NMI: variants seen among roughly 807,000 people sequenced by gnomAD.
NMI encodes the protein N-myc-interactor.
A neutral mutation model predicts 34.3 loss-of-function variants in NMI; 39 were observed. The ratio of observed to expected loss-of-function variants is 1.14; its 90% CI spans 0.88 to 1.49. The LOEUF (loss-of-function observed/expected upper bound fraction) is 1.49, where lower values mean the gene tolerates loss of function less well. NMI is among the 40% of genes most tolerant of loss of function. NMI has a pLI of 0.00. For missense variants in NMI, 339 were observed against 358.1 expected (o/e 0.95, Z 0.43); for synonymous variants, 113 against 120.3 (o/e 0.94, Z 0.40).
At chr2:151,286,132 C>G (rs1162674236) in intron 1 of NMI, among the ~76,000 whole-genome samples, 1 of 151,906 alleles carries the variant, frequency 6.6e-6, no homozygotes, top group Non-Finnish European at 1.5e-5. Flanking sequence ...TGGCAGACAT[C>G]AACATAATGA....
In NMI at chr2:151,275,567, G is replaced by T. The variant is rs1038133491; in HGVS notation, c.551C>A (p.Ser184Tyr). The change falls in exon 6 of 8, where the codon TCC becomes TAC. Residue 184 changes from serine (S) to tyrosine (Y), a missense_variant. Coordinates refer to ENST00000243346, the MANE Select transcript of NMI (RefSeq NM_004688.3). ...GTCCACCTCTCCGCCTCCATTTCGG[G>T]ACTTTGAAAAGCTCAGCTCTAGTTT... The part of the protein sequence containing the change: ...RDKLELSFSK[S>Y]RNGGGEVDRV... 8 of 1,614,034 alleles carry T rather than the reference G, an allele frequency of 5.0e-6. No individual in the cohort carries two copies. In the African/African-American group the frequency reaches 1.1e-4, roughly 22 times the overall value.
At chr2:151,284,660 C>T (rs1219129207) in intron 1 of NMI, among the ~76,000 whole-genome samples, 1 of 152,000 alleles carries the variant, frequency 6.6e-6, no homozygotes, top group Non-Finnish European at 1.5e-5. Flanking sequence ...CAAAGGAATC[C>T]ATGGTACACA....
intron 1 of NMI, among the ~76,000 whole-genome samples, chr2:151,287,111 C>T (rs563150344): frequency 2.0e-4 from 31 of 151,938 alleles, no homozygotes; most frequent in Non-Finnish European, 3.8e-4. Context: ...GTGGTTATGT[C>T]GGAGCACATC....
Position 151,275,339 on chromosome 2 carries a change from C to G in NMI, c.634+145G>C, listed in dbSNP as rs902970878. The G allele has an allele frequency of 1.6e-4, 115 of 723,950 alleles. 4 individuals carry two copies. The highest frequency in any genetic ancestry group is 1.1e-4 in the Non-Finnish European group (47 of 445,956). 44.8% of individuals were successfully genotyped at this position (723,950 alleles called of 1,614,324 possible). On this transcript the variant is annotated intron_variant, in intron 6 of 7. Coordinates refer to ENST00000243346, the MANE Select transcript of NMI (RefSeq NM_004688.3). ...GTCCCTGGAAATAATTTCCTACACT[C>G]TACTATTTTATAAGGTTTTTTAAAA...
At chr2:151,275,309 G>A (rs764217813) in intron 6 of NMI, among the ~76,000 whole-genome samples, 175 bp downstream of exon 6, 3 of 152,004 alleles carry the variant, frequency 2.0e-5, no homozygotes, top group Non-Finnish European at 4.4e-5. Flanking sequence ...ATCTTTCCTA[G>A]TACTGTCCCT....
rs1056842955 is a variant in NMI, at chr2:151,275,380, C to T, written c.634+104G>A. 8 of 1,038,576 alleles carry T rather than the reference C, an allele frequency of 7.7e-6. No homozygotes were observed. The African/African-American group carries it at 1.3e-4, about 17-fold the overall frequency. 64.3% of individuals were successfully genotyped at this position (1,038,576 alleles called of 1,614,324 possible). A position where few individuals can be genotyped will look rare whatever the true frequency, so the allele number is the denominator to read the frequency against. ...TTTTTTAAAATCCCCAATTATCATG[C>T]TAATACATTCCAAATAAAAGAAGTA... On this transcript the variant is annotated intron_variant, in intron 6 of 7. Transcript: ENST00000243346.
chr2:151,284,002 T>C (rs1308073242), intron 1 of NMI, among the ~76,000 whole-genome samples: 1 of 149,486 alleles, frequency 6.7e-6, no homozygotes, highest in Non-Finnish European at 1.5e-5. Flanking sequence ...TTGTAATACA[T>C]TGATATATAT....
intron 1 of NMI, among the ~76,000 whole-genome samples, chr2:151,287,685 C>A (rs1249949761): frequency 6.6e-6 from 1 of 152,070 alleles, no homozygotes; most frequent in African/African-American, 2.4e-5. Context: ...TCCTTTGCGG[C>A]GCTTTAATTA....
At chr2:151,270,945 T>A in intron 7 of NMI, 70 bp from the exon 8 acceptor site, 1 of 1,146,330 alleles carries the variant, frequency 8.7e-7, no homozygotes, top group Non-Finnish European at 1.3e-6. Context: ...ACATTCATAA[T>A]CTCTGCTTAA....
intron 6 of NMI, among the ~76,000 whole-genome samples, chr2:151,273,258 A>G (rs1683219468): frequency 6.6e-6 from 1 of 152,212 alleles, no homozygotes; most frequent in Non-Finnish European, 1.5e-5. Context: ...AAGCATAATT[A>G]CAGTACCTAC....
rs6719796 is a variant in NMI, at chr2:151,273,978, C to T, written c.634+1506G>A. On this transcript the variant is annotated intron_variant, in intron 6 of 7. Coordinates refer to ENST00000243346, the MANE Select transcript of NMI (RefSeq NM_004688.3). Reference sequence around the variant, plus strand: ...ACATATTACTGTAGCCCTCAAGACCCCTTCCTTTTATAGCTCTCCCTGACA... The same window carrying T: ...ACATATTACTGTAGCCCTCAAGACCTCTTCCTTTTATAGCTCTCCCTGACA... Among the ~76,000 whole-genome samples, 642 of 152,234 alleles carry T rather than the reference C, an allele frequency of 4.2e-3. 6 individuals carry two copies. Among genetic ancestry groups the T allele is most frequent in the African/African-American group, 0.015 (616 of 41,546 alleles).
chr2:151,272,634 G>GCAGT (rs1343934853), intron 6 of NMI, among the ~76,000 whole-genome samples: 1 of 152,152 alleles, frequency 6.6e-6, no homozygotes, highest in Non-Finnish European at 1.5e-5. Context: ...AATGCTCAGA[G>GCAGT]CAGTATTTTT....
Sources: gnomAD v4.1 joint callset for allele counts (sites outside exome capture counted in the v4.1 genomes callset) on GRCh38, gnomAD v4.1.1 for gene constraint, MANE v1.5 for transcripts, NCBI Gene and HGNC (gene_info 2026-07-23, HGNC 2026-07-21) for gene names.